The following USP54 variants were observed in gnomAD, a reference collection of about 807,000 sequenced individuals.
USP54 encodes the protein ubiquitin specific peptidase 54, also known as ubiquitin carboxyl-terminal hydrolase 54.
In USP54, 87 loss-of-function variants were observed where a neutral mutation model predicts 170.5. The observed-to-expected ratio is 0.51, with a 90% CI of 0.43 to 0.61. The LOEUF (loss-of-function observed/expected upper bound fraction) is 0.61, where lower values mean the gene tolerates loss of function less well. Among genes scored for constraint, USP54 ranks in the 20% least tolerant of loss-of-function variants. The pLI is 0.00. For missense variants in USP54, 1,786 were observed against 2,047.8 expected, an observed-to-expected ratio of 0.87 and a Z score of 2.47; for synonymous variants, 655 against 742.8, an observed-to-expected ratio of 0.88 and a Z score of 1.92.
In USP54 at chr10:73,530,851, A is replaced by C. The variant is rs2133401742; in HGVS notation, c.1316-16T>G. On this transcript the variant is annotated splice_polypyrimidine_tract_variant and intron_variant, in intron 12 of 23. Coordinates refer to ENST00000687698, the MANE Select transcript of USP54 (RefSeq NM_001391956.1). Reference sequence around the variant, plus strand: ...GTCAGGTGTCCTGAAAAAACAAGGAAATTGGGGTAAGCTGGTATCTGAGAC... The same window carrying C: ...GTCAGGTGTCCTGAAAAAACAAGGACATTGGGGTAAGCTGGTATCTGAGAC... 1 of 1,613,384 alleles carries C rather than the reference A, an allele frequency of 6.2e-7. No homozygotes were observed. Among genetic ancestry groups the C allele is most frequent in the Admixed American group, 1.7e-5 (1 of 59,992 alleles).
chr10:73,582,279 C>A (rs370825055), intron 1 of USP54, among the ~76,000 whole-genome samples: 58 of 152,180 alleles, frequency 3.8e-4, no homozygotes, highest in African/African-American at 1.4e-3. Flanking sequence ...ATGAGCAGAG[C>A]TAGAATGGAA....
At chr10:73,515,102 C>T (rs927805523) in intron 20 of USP54, among the ~76,000 whole-genome samples, 1 of 151,860 alleles carries the variant, frequency 6.6e-6, no homozygotes. Context: ...CCCTCAAAGG[C>T]TCTGGAGAAC....
At chr10:73,518,764 C>T (rs1204144733) in intron 19 of USP54, 1 of 150,044 alleles carries the variant, frequency 6.7e-6, no homozygotes, top group African/African-American at 2.5e-5. Flanking sequence ...GCTCTGTCAC[C>T]CAGGCTGGAG....
intron 4 of USP54, among the ~76,000 whole-genome samples, chr10:73,549,909 C>T (rs72814315): frequency 3.9e-5 from 6 of 152,280 alleles, no homozygotes; most frequent in South Asian, 2.1e-4. Context: ...ATCTGGCCTA[C>T]GATTCCACTT....
chr10:73,600,027 G>T (rs1180857711), intron 1 of USP54, among the ~76,000 whole-genome samples: 1 of 150,164 alleles, frequency 6.7e-6, no homozygotes, highest in Non-Finnish European at 1.5e-5. Context: ...TCAACCTCCC[G>T]AGTTGCTGGG....
At chr10:73,500,584 T>C in intron 23 of USP54, 71 bp downstream of exon 23, 2 of 1,442,852 alleles carry the variant, frequency 1.4e-6, no homozygotes, top group Non-Finnish European at 9.3e-7. Flanking sequence ...ATAGGTATAC[T>C]GATTTGACCC....
At chr10:73,584,386 C>CA (rs200241841) in intron 1 of USP54, among the ~76,000 whole-genome samples, 5,521 of 145,258 alleles carry the variant, frequency 0.038, 158 homozygotes, top group South Asian at 0.12. Flanking sequence ...GACTTTGTCT[C>CA]AAAAAAAAAA....
intron 15 of USP54, among the ~76,000 whole-genome samples, chr10:73,528,489 G>T (rs937369643): frequency 6.9e-6 from 1 of 145,806 alleles, no homozygotes; most frequent in Non-Finnish European, 1.5e-5. Flanking sequence ...AACTTCTGAC[G>T]TCGTGATCCA....
chr10:73,539,322 A>T, intron 10 of USP54, 122 bp downstream of exon 10: 2 of 410,692 alleles, frequency 4.9e-6, no homozygotes, highest in Non-Finnish European at 7.2e-6. Context: ...ATATATATAT[A>T]TGTTTTATAG....
chr10:73,584,425 T>C (rs1030641356), intron 1 of USP54, among the ~76,000 whole-genome samples: 9 of 152,130 alleles, frequency 5.9e-5, no homozygotes, highest in Non-Finnish European at 1.0e-4. Flanking sequence ...TTTGTGATCC[T>C]ACAATCCACT....
intron 1 of USP54, among the ~76,000 whole-genome samples, chr10:73,604,657 C>G (rs2079477678): frequency 6.7e-6 from 1 of 149,058 alleles, no homozygotes; most frequent in South Asian, 2.1e-4. Flanking sequence ...GTGGTGCAAT[C>G]TTGGCTCACT....
At chr10:73,533,665 C>T (rs2064541144) in intron 12 of USP54, among the ~76,000 whole-genome samples, 1 of 152,206 alleles carries the variant, frequency 6.6e-6, no homozygotes, top group Non-Finnish European at 1.5e-5. Context: ...GGCATTCTAT[C>T]TCCCAGAATA....
chr10:73,604,476 C>T (rs1335569220), intron 1 of USP54, among the ~76,000 whole-genome samples: 1 of 152,062 alleles, frequency 6.6e-6, no homozygotes, highest in Non-Finnish European at 1.5e-5. Context: ...AGATAACTTG[C>T]CAGGCACATT....
chr10:73,596,856 G>A (rs2078781339), intron 1 of USP54, among the ~76,000 whole-genome samples: 1 of 152,082 alleles, frequency 6.6e-6, no homozygotes, highest in Non-Finnish European at 1.5e-5. Flanking sequence ...AAGCCATAAG[G>A]TGCTTCCTTT....
intron 19 of USP54, chr10:73,519,383 G>A (rs564350986): frequency 4.2e-6 from 1 of 235,770 alleles, no homozygotes; most frequent in South Asian, 6.3e-5. Context: ...TGCAATCAGA[G>A]CAAGAAAGAC....
At chr10:73,589,162 G>A (rs1462296741) in intron 1 of USP54, among the ~76,000 whole-genome samples, 1 of 152,122 alleles carries the variant, frequency 6.6e-6, no homozygotes, top group East Asian at 1.9e-4. Context: ...AATAAATGAA[G>A]AACTAAGTTT....
intron 15 of USP54, among the ~76,000 whole-genome samples, chr10:73,527,837 C>CAAA (rs1015620084): frequency 6.6e-4 from 29 of 43,712 alleles, no homozygotes; most frequent in African/African-American, 2.3e-3. Flanking sequence ...CCATCGATAC[C>CAAA]AAAAAAAAAA....
intron 1 of USP54, among the ~76,000 whole-genome samples, chr10:73,612,156 T>C (rs1393639966): frequency 6.6e-6 from 1 of 152,184 alleles, no homozygotes; most frequent in Non-Finnish European, 1.5e-5. Context: ...TTATCCTATA[T>C]GTATAATTAA....
At chr10:73,519,585 A>T in intron 19 of USP54, 1 of 690,438 alleles carries the variant, frequency 1.4e-6, no homozygotes, top group South Asian at 2.0e-5. Flanking sequence ...TGGTCTTATT[A>T]TGCTGTACTT....
Sources: gnomAD v4.1 joint callset for allele counts (sites outside exome capture counted in the v4.1 genomes callset) on GRCh38, gnomAD v4.1.1 for gene constraint, MANE v1.5 for transcripts, NCBI Gene and HGNC (gene_info 2026-07-23, HGNC 2026-07-21) for gene names.